Variants in CRMP1 observed in about 807,000 individuals in gnomAD.
The protein encoded by CRMP1 is collapsin response mediator protein 1, also known as dihydropyrimidinase-related protein 1.
In CRMP1, 19 loss-of-function variants were observed where a neutral mutation model predicts 68.3. The observed-to-expected ratio is 0.28, with a 90% CI of 0.19 to 0.41. CRMP1 has a LOEUF of 0.41. CRMP1 is among the 10% of genes least tolerant of loss of function. CRMP1 has a pLI of 1.00. For missense variants in CRMP1, 791 were observed against 967.4 expected, an observed-to-expected ratio of 0.82 and a Z score of 2.42; for synonymous variants, 439 against 399.6, an observed-to-expected ratio of 1.10 and a Z score of -1.18.
At chr4:5,840,172 G>A (rs905234830) in intron 8 of CRMP1, among the ~76,000 whole-genome samples, 1 of 152,178 alleles carries the variant, frequency 6.6e-6, no homozygotes, top group Non-Finnish European at 1.5e-5. Flanking sequence ...GCACAGCTGA[G>A]GGCCCTGGCA....
At position 5,843,197 on chromosome 4, in the gene CRMP1, G is replaced by C. The variant is rs151079660; in HGVS notation, c.964-36C>G. 5,100 of 1,610,652 alleles carry C rather than the reference G, an allele frequency of 3.2e-3. 9 individuals are homozygous for C. Among genetic ancestry groups the C allele is most frequent in the Non-Finnish European group, 3.5e-3 (4,082 of 1,176,966 alleles). Reference sequence around the variant, plus strand: ...AGAACAAGTGAGTTAACGATTAGAGGGTGTCAGAGCTGGGAGAAGTGACTC... The same window carrying C: ...AGAACAAGTGAGTTAACGATTAGAGCGTGTCAGAGCTGGGAGAAGTGACTC... On this transcript the variant is annotated intron_variant, in intron 6 of 13. Coordinates refer to ENST00000324989, the MANE Select transcript of CRMP1 (RefSeq NM_001014809.3). The surrounding 1 kb of genome is among the most constrained non-coding windows in gnomAD (Gnocchi z 4.1).
At chr4:5,868,238 G>A (rs1376272069) in intron 1 of CRMP1, among the ~76,000 whole-genome samples, 8 of 136,360 alleles carry the variant, frequency 5.9e-5, no homozygotes, top group African/African-American at 5.7e-5. Context: ...CCAACTTGCC[G>A]CACATTCTTC....
chr4:5,871,584 A>C (rs1190664590), intron 1 of CRMP1, among the ~76,000 whole-genome samples: 1 of 152,042 alleles, frequency 6.6e-6, no homozygotes, highest in Non-Finnish European at 1.5e-5. Context: ...GGCATGAACA[A>C]GGGAGAAGGA....
Position 5,833,327 on chromosome 4 carries a change from C to T in CRMP1, c.1623+2588G>A, listed in dbSNP as rs1286982903. On this transcript the variant is annotated intron_variant, in intron 11 of 13. Transcript: ENST00000324989. ...GACTACAGGCGCCCGCCACTACGCC[C>T]GGCTAATTTTTTGTATTTTTAGTAG... Among the ~76,000 whole-genome samples, 9 of 132,512 alleles carry T rather than the reference C, an allele frequency of 6.8e-5. 2 individuals carry two copies. Among genetic ancestry groups the T allele is most frequent in the African/African-American group, 1.8e-4 (6 of 33,258 alleles). The allele number at this position is 132,512 out of a possible 152,430, so 86.9% of individuals were successfully genotyped here.
chr4:5,888,220 C>T lies in CRMP1; in HGVS notation c.381+4369G>A. On this transcript the variant is annotated intron_variant, in intron 1 of 13. Transcript: ENST00000324989. This position sits in a 1 kb window ranked among gnomAD's most constrained non-coding sequence, Gnocchi z 6.4. ...CAGCGCGGGGCGGCGGGGGCGGGGG[C>T]CGCTTACCGTGATGTGCGGGATGCT... 1.6e-6 allele frequency: 2 copies of T among 1,266,936 alleles called. No individual in the cohort carries two copies. The highest frequency in any genetic ancestry group is 1.0e-6 in the Non-Finnish European group (1 of 1,001,414). 78.5% of individuals were successfully genotyped at this position (1,266,936 alleles called of 1,614,324 possible).
chr4:5,877,230 A>T lies in CRMP1; in HGVS notation c.382-10474T>A, dbSNP rs917748061. On this transcript the variant is annotated intron_variant, in intron 1 of 13. Transcript: ENST00000324989. This position sits in a 1 kb window ranked among gnomAD's most constrained non-coding sequence, Gnocchi z 4.3. ...ATCTACCACCCACAAACCTATTGCC[A>T]TAAATAAATATTGGTTGCTGTAAGG... Among the ~76,000 whole-genome samples, 1 of 152,244 alleles carries T rather than the reference A, an allele frequency of 6.6e-6. No individual in the cohort carries two copies. Among genetic ancestry groups the T allele is most frequent in the South Asian group, 2.1e-4 (1 of 4,834 alleles).
intron 8 of CRMP1, among the ~76,000 whole-genome samples, chr4:5,840,676 T>A (rs921807410): frequency 1.3e-5 from 2 of 152,228 alleles, no homozygotes; most frequent in Non-Finnish European, 2.9e-5. Flanking sequence ...CACGTGTGGT[T>A]AGTGGCTACC....
chr4:5,892,626 G>C lies in CRMP1; in HGVS notation c.344C>G (p.Ala115Gly). ...RPPTLRIRRPAPRDLPLGRDN... is the reference protein window; with the variant it reads ...RPPTLRIRRPGPRDLPLGRDN... ...CCGGCCGAGGGGCAGGTCGCGGGGC[G>C]CGGGGCGGCGGATGCGCAGCGTCGG... Residue 115 changes from alanine to glycine, a missense_variant, in exon 1 of 14, where the codon GCG (alanine) becomes GGG (glycine). Coordinates refer to ENST00000324989, the MANE Select transcript of CRMP1 (RefSeq NM_001014809.3). The surrounding 1 kb of genome is among the most constrained non-coding windows in gnomAD (Gnocchi z 8.6). The C allele has an allele frequency of 8.4e-7, 1 of 1,191,438 alleles. No homozygotes were observed. The highest frequency in any genetic ancestry group is 1.0e-6 in the Non-Finnish European group (1 of 962,010). 73.8% of individuals were successfully genotyped at this position (1,191,438 alleles called of 1,614,324 possible). A position where few individuals can be genotyped will look rare whatever the true frequency, so the allele number is the denominator to read the frequency against.
At chr4:5,837,758 C>A (rs1296701783) in intron 9 of CRMP1, among the ~76,000 whole-genome samples, 6 of 151,854 alleles carry the variant, frequency 4.0e-5, no homozygotes, top group African/African-American at 1.5e-4. Flanking sequence ...TGAGGCTGTC[C>A]TCCAATCCAG....
chr4:5,823,949 T>C (rs779391413), intron 13 of CRMP1, among the ~76,000 whole-genome samples: 3 of 152,210 alleles, frequency 2.0e-5, no homozygotes, highest in Non-Finnish European at 2.9e-5. Flanking sequence ...AGCATCTGTG[T>C]TGTTGGTACC....
In CRMP1 at chr4:5,889,555, G is replaced by A. The variant is rs1715844109; in HGVS notation, c.381+3034C>T. The A allele has an allele frequency of 5.9e-6, 9 of 1,534,606 alleles. No homozygotes were observed. The highest frequency in any genetic ancestry group is 4.9e-5 in the East Asian group (2 of 40,922). On this transcript the variant is annotated intron_variant, in intron 1 of 13. Coordinates refer to ENST00000324989, the MANE Select transcript of CRMP1 (RefSeq NM_001014809.3). This position sits in a 1 kb window ranked among gnomAD's most constrained non-coding sequence, Gnocchi z 4.5. ...AAGATGAAAGAAGATGGAGGAAAAGGGGGAGCCCCAGCAAGCCCCAACCTC... is the reference window on the plus strand; with the variant it reads ...AAGATGAAAGAAGATGGAGGAAAAGAGGGAGCCCCAGCAAGCCCCAACCTC...
Position 5,850,940 on chromosome 4 carries a change from A to G in CRMP1, c.882+468T>C, listed in dbSNP as rs954261564. 1.3e-5 allele frequency among the ~76,000 whole-genome samples: 2 copies of G among 152,200 alleles called. No individual in the cohort carries two copies. Among genetic ancestry groups the G allele is most frequent in the Non-Finnish European group, 2.9e-5 (2 of 68,026 alleles). On this transcript the variant is annotated intron_variant, in intron 5 of 13. Transcript: ENST00000324989. The surrounding 1 kb of genome is among the most constrained non-coding windows in gnomAD (Gnocchi z 4.4). ...AGGGCCAGAAATGTTCCATCTTACAAATGTGAGGAGATGACTTGCCCAGCA... is the reference window on the plus strand; with the variant it reads ...AGGGCCAGAAATGTTCCATCTTACAGATGTGAGGAGATGACTTGCCCAGCA...
At chr4:5,826,107 CA>C (rs1560479089) in intron 12 of CRMP1, 1 of 224,852 alleles carries the variant, frequency 4.4e-6, no homozygotes, top group African/African-American at 2.4e-5. Flanking sequence ...CAGGTATACA[CA>C]CCCATATATA....
rs142814170 is a variant in CRMP1 at position 5,846,305 on chromosome 4, T to A, written c.963+3087A>T. On this transcript the variant is annotated intron_variant, in intron 6 of 13. Transcript: ENST00000324989. ...AATGAGATTAAGTCTCAAAAAAATT[T>A]AAAAAAAATTTTTTTGAAGAGACAT... Among the ~76,000 whole-genome samples the A allele has an allele frequency of 3.8e-3, 573 of 152,114 alleles. 4 individuals are homozygous for A. Among genetic ancestry groups the A allele is most frequent in the African/African-American group, 0.013 (542 of 41,526 alleles).
At position 5,825,484 on chromosome 4, in the gene CRMP1, T is replaced by C. The variant is rs1426137874; in HGVS notation, c.1969+10A>G. On this transcript the variant is annotated intron_variant, in intron 13 of 13. Coordinates refer to ENST00000324989, the MANE Select transcript of CRMP1 (RefSeq NM_001014809.3). This position sits in a 1 kb window ranked among gnomAD's most constrained non-coding sequence, Gnocchi z 4.4. Reference sequence around the variant, plus strand: ...AATTGTGGGGAGCCTGGGCCACCACTCTTTCCTACCTGATAAGCTGAAGTT... The same window carrying C: ...AATTGTGGGGAGCCTGGGCCACCACCCTTTCCTACCTGATAAGCTGAAGTT... 2 of 1,560,336 alleles carry C rather than the reference T, an allele frequency of 1.3e-6. No individual in the cohort carries two copies. The highest frequency in any genetic ancestry group is 1.2e-5 in the South Asian group (1 of 82,466).
rs187766541 is a variant in CRMP1 at position 5,825,204 on chromosome 4, T to C, written c.1969+290A>G. 1.0e-6 allele frequency: 1 copy of C among 985,374 alleles called. No individual in the cohort carries two copies. Among genetic ancestry groups the C allele is most frequent in the East Asian group, 1.1e-4 (1 of 8,806 alleles). 61.0% of individuals were successfully genotyped at this position (985,374 alleles called of 1,614,324 possible). On this transcript the variant is annotated intron_variant, in intron 13 of 13. Coordinates refer to ENST00000324989, the MANE Select transcript of CRMP1 (RefSeq NM_001014809.3). This position sits in a 1 kb window ranked among gnomAD's most constrained non-coding sequence, Gnocchi z 4.4. ...ACTTTCATGAGGAAGAGTGTGAAAG[T>C]GTCCCCAAATGTGTGTAAGGATGAG... is the stretch of plus-strand genomic sequence containing the variant.
At chr4:5,857,733 G>A (rs1203931160) in intron 3 of CRMP1, among the ~76,000 whole-genome samples, 1 of 152,154 alleles carries the variant, frequency 6.6e-6, no homozygotes, top group African/African-American at 2.4e-5. Flanking sequence ...TCCAAGACCT[G>A]TCAGACAGTC....
At chr4:5,862,721 T>A (rs912707644) in intron 2 of CRMP1, among the ~76,000 whole-genome samples, 6 of 152,142 alleles carry the variant, frequency 3.9e-5, no homozygotes, top group Non-Finnish European at 8.8e-5. Flanking sequence ...GACCTACACG[T>A]GAGTGTCAGC....
Position 5,861,168 on chromosome 4 carries a change from G to T in CRMP1, c.513C>A (p.Thr171=). ...TAACCATCCGCCCGTTGGCTTCAAT[G>T]GTCTTCACTCCACCAGGAACGATTA... ...ENLIVPGGVK[T]IEANGRMVIP... is the part of the protein sequence containing the mutation. Residue 171 remains threonine (T), a synonymous_variant, in exon 3 of 14, where the codon ACC becomes ACA. Coordinates refer to ENST00000324989, the MANE Select transcript of CRMP1 (RefSeq NM_001014809.3). This position sits in a 1 kb window ranked among gnomAD's most constrained non-coding sequence, Gnocchi z 6.0. 1 of 1,614,170 alleles carries T rather than the reference G, an allele frequency of 6.2e-7. No individual in the cohort carries two copies. Among genetic ancestry groups the T allele is most frequent in the Non-Finnish European group, 8.5e-7 (1 of 1,180,018 alleles).
Sources: gnomAD v4.1 joint callset for allele counts (sites outside exome capture counted in the v4.1 genomes callset) on GRCh38, gnomAD v4.1.1 for gene constraint, Gnocchi (gnomAD v3.1) non-coding constraint, MANE v1.5 for transcripts, NCBI Gene and HGNC (gene_info 2026-07-23, HGNC 2026-07-21) for gene names.